The following DPP6 variants were observed in gnomAD, a reference collection of about 807,000 sequenced individuals.
The protein encoded by DPP6 is dipeptidyl peptidase like 6, also known as A-type potassium channel modulatory protein DPP6.
Under a neutral mutation model 122.6 loss-of-function variants are expected in DPP6, and 69 were observed. The observed-to-expected ratio is 0.56, with a 90% CI of 0.46 to 0.69. DPP6 has a LOEUF of 0.69. Ranked by LOEUF, DPP6 falls within the 30% of genes least tolerant of loss-of-function variation. The pLI is 0.00. For missense variants in DPP6, 928 were observed against 1,116.9 expected (o/e 0.83, Z 2.41); for synonymous variants, 418 against 433.1 (o/e 0.97, Z 0.43).
At chr7:154,476,640 T>C (rs1235411464) in intron 3 of DPP6, among the ~76,000 whole-genome samples, 1 of 152,222 alleles carries the variant, frequency 6.6e-6, no homozygotes, top group Non-Finnish European at 1.5e-5. Flanking sequence ...CTTAAAGCGA[T>C]GGCTAGGAGC....
intron 10 of DPP6, among the ~76,000 whole-genome samples, chr7:154,790,454 T>G (rs778295560): frequency 6.6e-6 from 1 of 152,200 alleles, no homozygotes; most frequent in Non-Finnish European, 1.5e-5. Context: ...GATGCATGTA[T>G]GTAAAAAGAA....
intron 3 of DPP6, among the ~76,000 whole-genome samples, chr7:154,507,905 A>G (rs1052056540): frequency 1.3e-5 from 2 of 152,138 alleles, no homozygotes; most frequent in African/African-American, 4.8e-5. Context: ...AATCAATCTA[A>G]TATTTTGGGG....
chr7:154,769,754 G>A (rs1796134597), intron 9 of DPP6, among the ~76,000 whole-genome samples, 183 bp downstream of exon 9: 1 of 152,262 alleles, frequency 6.6e-6, no homozygotes, highest in East Asian at 1.9e-4. Context: ...TGAGTCATTG[G>A]CAGGTTTACT....
intron 1 of DPP6, among the ~76,000 whole-genome samples, chr7:153,980,487 A>T (rs531167937): frequency 6.6e-5 from 10 of 151,508 alleles, no homozygotes; most frequent in Admixed American, 1.3e-4. Flanking sequence ...TTAATCTTTT[A>T]AAAAAAACCA....
rs189720483 is a variant in DPP6, at chr7:153,996,267, A to G, written c.51+108533A>G. 3.6e-4 allele frequency among the ~76,000 whole-genome samples: 55 copies of G among 152,160 alleles called. 1 individual carries two copies. ...TATTGGCTTGAAAAGATACAAATTC[A>G]CTTAGGATGAAATAAAAGTGTTCTG... On this transcript the variant is annotated intron_variant, in intron 1 of 25. Coordinates refer to the DPP6 transcript ENST00000404039.
At chr7:154,883,298 G>A (rs1174392687) in intron 21 of DPP6, among the ~76,000 whole-genome samples, 5 of 123,980 alleles carry the variant, frequency 4.0e-5, no homozygotes, top group Non-Finnish European at 8.2e-5. Flanking sequence ...ACACACACAT[G>A]CTCACCCATA....
chr7:154,894,005 C>T lies in DPP6; in HGVS notation c.*1525C>T, dbSNP rs925331178. The T allele has an allele frequency of 6.6e-6, 1 of 152,192 alleles. No homozygotes were observed. The highest frequency in any genetic ancestry group is 2.4e-5 in the African/African-American group (1 of 41,434). 9.4% of individuals were successfully genotyped at this position (152,192 alleles called of 1,614,324 possible). A position where few individuals can be genotyped will look rare whatever the true frequency, so the allele number is the denominator to read the frequency against. The stretch of plus-strand genomic sequence containing the variant: ...GGGGCTTTGGGTTTATCCACATGAG[C>T]TCTGAACGTCCGTTATAGTTAGGGT... On this transcript the variant is annotated 3_prime_UTR_variant, in exon 26 of 26. Coordinates refer to ENST00000377770, the MANE Select transcript of DPP6 (RefSeq NM_130797.4).
chr7:153,886,223 C>G (rs1429328488), upstream of DPP6, among the ~76,000 whole-genome samples: 1 of 151,912 alleles, frequency 6.6e-6, no homozygotes, highest in African/African-American at 2.4e-5. Context: ...ATGAATTTGA[C>G]CAACCTCTGC....
chr7:153,945,352 T>C (rs143388332), intron 1 of DPP6, among the ~76,000 whole-genome samples: 11 of 152,234 alleles, frequency 7.2e-5, no homozygotes, highest in Non-Finnish European at 1.5e-4. Flanking sequence ...AATATATTTC[T>C]AATGGAAGCC....
At chr7:154,470,523 C>T in intron 2 of DPP6, among the ~76,000 whole-genome samples, 1 of 152,126 alleles carries the variant, frequency 6.6e-6, no homozygotes, top group East Asian at 1.9e-4. Flanking sequence ...GGATTTATTT[C>T]TAGTTTTCTG....
intron 1 of DPP6, among the ~76,000 whole-genome samples, chr7:154,251,052 C>A (rs75555476): frequency 0.039 from 5,940 of 152,298 alleles, 188 homozygotes; most frequent in East Asian, 0.13. Flanking sequence ...TGGGAATAAT[C>A]ACACAAAGTA....
At chr7:154,523,754 T>C (rs1044910941) in intron 3 of DPP6, among the ~76,000 whole-genome samples, 1 of 152,228 alleles carries the variant, frequency 6.6e-6, no homozygotes, top group Non-Finnish European at 1.5e-5. Flanking sequence ...CTGATTGCTT[T>C]CTTGTGAGGT....
the DPP6 span, among the ~76,000 whole-genome samples, chr7:153,794,092 A>G: frequency 6.6e-6 from 1 of 152,170 alleles, no homozygotes; most frequent in Non-Finnish European, 1.5e-5. Flanking sequence ...GTGGGATCGG[A>G]GCCCCCACAC....
intron 1 of DPP6, among the ~76,000 whole-genome samples, chr7:154,410,791 G>A (rs1035872214): frequency 6.6e-6 from 1 of 152,124 alleles, no homozygotes; most frequent in African/African-American, 2.4e-5. Context: ...ATTAAATTTG[G>A]TGTTTTCCCT....
intron 1 of DPP6, among the ~76,000 whole-genome samples, chr7:154,197,751 A>G (rs2150778479): frequency 6.6e-6 from 1 of 152,320 alleles, no homozygotes; most frequent in East Asian, 1.9e-4. Flanking sequence ...ATAATGTTCA[A>G]TTAATATAGA....
intron 7 of DPP6, among the ~76,000 whole-genome samples, chr7:154,726,055 G>A (rs1215414201): frequency 6.6e-6 from 1 of 152,182 alleles, no homozygotes; most frequent in African/African-American, 2.4e-5. Context: ...ATGATCTTGG[G>A]CCACTCTGCC....
chr7:153,772,432 T>C, the DPP6 span, among the ~76,000 whole-genome samples: 2 of 152,090 alleles, frequency 1.3e-5, no homozygotes, highest in African/African-American at 4.8e-5. Context: ...TAATAATGCA[T>C]ATTGTAAACC....
chr7:153,814,050 G>T, the DPP6 span, among the ~76,000 whole-genome samples: 2 of 151,946 alleles, frequency 1.3e-5, no homozygotes, highest in Non-Finnish European at 2.9e-5. Context: ...GTCAATTTTG[G>T]CTTTTGTTGC....
chr7:154,524,791 TG>T (rs1827271433), intron 3 of DPP6, among the ~76,000 whole-genome samples: 1 of 152,000 alleles, frequency 6.6e-6, no homozygotes, highest in Admixed American at 6.6e-5. Context: ...TGGAAAAGGG[TG>T]GGGTGAAGAA....
Sources: allele counts gnomAD v4.1 joint callset (sites outside exome capture counted in the v4.1 genomes callset), GRCh38; gene constraint gnomAD v4.1.1; transcripts MANE v1.5; gene names NCBI Gene and HGNC (gene_info 2026-07-23, HGNC 2026-07-21).